The following ATPSCKMT variants were observed in gnomAD, a reference collection of about 807,000 sequenced individuals.
The protein encoded by ATPSCKMT is ATP synthase c subunit lysine N-methyltransferase, also known as ATP synthase subunit C lysine N-methyltransferase.
Under a neutral mutation model 24.3 loss-of-function variants are expected in ATPSCKMT, and 24 were observed. That is an observed-to-expected ratio of 0.99 (90% CI 0.71 to 1.39). ATPSCKMT has a LOEUF of 1.39. Ranked by LOEUF, ATPSCKMT falls within the 40% of genes most tolerant of loss-of-function variation. The pLI, the probability that ATPSCKMT is intolerant of heterozygous loss-of-function variation, is 0.00. For missense variants in ATPSCKMT, 311 were observed against 298.4 expected (o/e 1.04, Z -0.31); for synonymous variants, 95 against 110.5 (o/e 0.86, Z 0.88).
At chr5:10,249,284 AG>A (rs1745163728) in intron 1 of ATPSCKMT, 1 of 144,026 alleles carries the variant, frequency 6.9e-6, no homozygotes, top group Non-Finnish European at 1.5e-5. Context: ...AAAAAAAAAG[AG>A]TGTGGGACCC....
At chr5:10,228,678 C>T (rs1743989679) in intron 4 of ATPSCKMT, among the ~76,000 whole-genome samples, 1 of 151,992 alleles carries the variant, frequency 6.6e-6, no homozygotes, top group Admixed American at 6.6e-5. Context: ...TACCTATACC[C>T]AGGTTCAAAT....
At chr5:10,229,298 G>A (rs1366343528) in intron 4 of ATPSCKMT, among the ~76,000 whole-genome samples, 2 of 152,072 alleles carry the variant, frequency 1.3e-5, no homozygotes, top group African/African-American at 4.8e-5. Flanking sequence ...TTTGGTTTTC[G>A]TGACAATAAC....
At position 10,227,315 on chromosome 5, in the gene ATPSCKMT, G is replaced by A. The variant is rs910024067; in HGVS notation, c.*126C>T. On this transcript the variant is annotated 3_prime_UTR_variant, in exon 5 of 5. Transcript: ENST00000511437. Reference sequence around the variant, plus strand: ...TTCGTTTGTTTTCTCCAACAGTTAAGGAAAGTAATAGTAATTTCTCATTCC... The same window carrying A: ...TTCGTTTGTTTTCTCCAACAGTTAAAGAAAGTAATAGTAATTTCTCATTCC... 2.3e-5 allele frequency: 22 copies of A among 963,956 alleles called. No homozygotes were observed. Among genetic ancestry groups the A allele is most frequent in the Non-Finnish European group, 2.7e-5 (18 of 657,700 alleles). The allele number at this position is 963,956 out of a possible 1,614,324, so 59.7% of individuals were successfully genotyped here.
Position 10,239,329 on chromosome 5 carries a change from T to C in ATPSCKMT, c.44A>G (p.Glu15Gly), listed in dbSNP as rs1277677108. 6.2e-7 allele frequency: 1 copy of C among 1,614,114 alleles called. No homozygotes were observed. The highest frequency in any genetic ancestry group is 2.2e-5 in the East Asian group (1 of 44,884). ...GGIPLETLKE[E>G]SQSRHVLPAS... ...AGGTAGAACATGTCTTGACTGACTT[T>C]CTTCTTTAAGTGTTTCTAGGGGTAT... The change falls in exon 2 of 5, where the codon GAA becomes GGA. Residue 15 changes from glutamate to glycine, a missense_variant. By Grantham distance (98) the Glu-to-Gly change is moderately conservative (BLOSUM62 -2). Coordinates refer to ENST00000511437, the MANE Select transcript of ATPSCKMT (RefSeq NM_199133.4).
chr5:10,237,947 A>G (rs954159291), intron 2 of ATPSCKMT, among the ~76,000 whole-genome samples: 4 of 152,100 alleles, frequency 2.6e-5, no homozygotes, highest in African/African-American at 4.8e-5. Context: ...GGGTTTCACC[A>G]TGTTGGTTAG....
At chr5:10,235,384 C>T in intron 3 of ATPSCKMT, 123 bp from the exon 4 acceptor site, 1 of 736,944 alleles carries the variant, frequency 1.4e-6, no homozygotes, top group Non-Finnish European at 2.4e-6. Context: ...TGATGAACTC[C>T]TAAGAACAGC....
intron 1 of ATPSCKMT, among the ~76,000 whole-genome samples, chr5:10,241,028 TTTA>T (rs1228964811): frequency 6.6e-6 from 1 of 151,508 alleles, no homozygotes; most frequent in Admixed American, 6.6e-5. Context: ...AAAATCACCA[TTTA>T]TTATCATACA....
intron 4 of ATPSCKMT, among the ~76,000 whole-genome samples, chr5:10,233,311 C>T (rs1278658101): frequency 6.6e-6 from 1 of 152,078 alleles, no homozygotes; most frequent in Non-Finnish European, 1.5e-5. Flanking sequence ...AAGTAGGGGC[C>T]TCCACACACA....
At chr5:10,230,269 T>C (rs1385396644) in intron 4 of ATPSCKMT, among the ~76,000 whole-genome samples, 1 of 148,618 alleles carries the variant, frequency 6.7e-6, no homozygotes, top group Non-Finnish European at 1.5e-5. Context: ...CAGTATAGAT[T>C]AAAAAAAAAA....
chr5:10,226,214 A>G lies in ATPSCKMT; in HGVS notation c.*1227T>C, dbSNP rs1336427651. On this transcript the variant is annotated 3_prime_UTR_variant, in exon 5 of 5. Transcript: ENST00000511437. ...AATTCCATGAGGCCAGGGGCTTTGCATGTCTATTTACCGCAGAATCTCAGA... is the reference window on the plus strand; with the variant it reads ...AATTCCATGAGGCCAGGGGCTTTGCGTGTCTATTTACCGCAGAATCTCAGA... The G allele has an allele frequency of 3.3e-5, 5 of 152,218 alleles. No individual in the cohort carries two copies. Among genetic ancestry groups the G allele is most frequent in the Non-Finnish European group, 5.9e-5 (4 of 68,038 alleles). The allele number at this position is 152,218 out of a possible 1,614,324, so 9.4% of individuals were successfully genotyped here.
rs546313055 is a variant in ATPSCKMT at position 10,242,334 on chromosome 5, CAAT to C, written c.17-2981_17-2979del. On this transcript the variant is annotated intron_variant, in intron 1 of 4. Transcript: ENST00000511437. ...TCTAAGTTCTTTGTCATCATTTCAACAATGTTTACAGCATCCTCACCAGTAGTA... is the reference window on the plus strand; with the variant it reads ...TCTAAGTTCTTTGTCATCATTTCAACGTTTACAGCATCCTCACCAGTAGTA... Among the ~76,000 whole-genome samples the C allele has an allele frequency of 3.0e-3, 461 of 152,314 alleles. 1 individual carries two copies. The highest frequency in any genetic ancestry group is 6.0e-3 in the South Asian group (29 of 4,824).
At position 10,225,776 on chromosome 5, in the gene ATPSCKMT, A is replaced by C. The variant is rs1011359640; in HGVS notation, c.*1665T>G. ...ACAGCCAAACCATATCAATGCCTCT[A>C]TAAACCCACCAGGAACACTTCTAGA... On this transcript the variant is annotated 3_prime_UTR_variant, in exon 5 of 5. Coordinates refer to ENST00000511437, the MANE Select transcript of ATPSCKMT (RefSeq NM_199133.4). Among the ~76,000 whole-genome samples, 1 of 152,158 alleles carries C rather than the reference A, an allele frequency of 6.6e-6. No homozygotes were observed. Among genetic ancestry groups the C allele is most frequent in the Non-Finnish European group, 1.5e-5 (1 of 68,026 alleles).
chr5:10,248,971 C>G (rs558747197), intron 1 of ATPSCKMT, among the ~76,000 whole-genome samples: 1 of 152,272 alleles, frequency 6.6e-6, no homozygotes, highest in Admixed American at 6.5e-5. Flanking sequence ...CAGCATAATA[C>G]AGGGCTTAAG....
rs1425894146 is a variant in ATPSCKMT, at chr5:10,227,667, T to C, written c.496-20A>G. On this transcript the variant is annotated intron_variant, in intron 4 of 4. Transcript: ENST00000511437. ...CAGCATCTGTGGAGAGTAACAGCTATTATTTTAGTGAGCAGTGAGTCAGAG... is the reference window on the plus strand; with the variant it reads ...CAGCATCTGTGGAGAGTAACAGCTACTATTTTAGTGAGCAGTGAGTCAGAG... 1 of 1,612,430 alleles carries C rather than the reference T, an allele frequency of 6.2e-7. No individual in the cohort carries two copies. Among genetic ancestry groups the C allele is most frequent in the Admixed American group, 1.7e-5 (1 of 59,844 alleles).
At chr5:10,234,256 A>T (rs1488859481) in intron 4 of ATPSCKMT, among the ~76,000 whole-genome samples, 1 of 152,102 alleles carries the variant, frequency 6.6e-6, no homozygotes, top group African/African-American at 2.4e-5. Context: ...TGAACCAGGG[A>T]GGTAGAAGTT....
intron 1 of ATPSCKMT, among the ~76,000 whole-genome samples, chr5:10,243,806 G>A (rs1744759387): frequency 6.6e-6 from 1 of 152,198 alleles, no homozygotes; most frequent in Non-Finnish European, 1.5e-5. Context: ...CTCCATACCA[G>A]CAATAAAGCT....
chr5:10,245,247 T>C (rs1264704661), intron 1 of ATPSCKMT, among the ~76,000 whole-genome samples: 8 of 151,004 alleles, frequency 5.3e-5, no homozygotes, highest in South Asian at 2.1e-4. Flanking sequence ...AGTGAAACCC[T>C]GTCTCTACTA....
intron 4 of ATPSCKMT, 44 bp from the exon 5 acceptor site, chr5:10,227,691 A>G (rs539567541): frequency 6.1e-5 from 97 of 1,578,772 alleles, no homozygotes; most frequent in East Asian, 1.4e-4. Flanking sequence ...AGTGAGTCAG[A>G]GGAAATGATC....
chr5:10,229,859 G>A (rs1451809010), intron 4 of ATPSCKMT, among the ~76,000 whole-genome samples: 1 of 152,210 alleles, frequency 6.6e-6, no homozygotes, highest in Non-Finnish European at 1.5e-5. Flanking sequence ...GGAGGCTCTT[G>A]CCGCTGGCTT....
Sources: allele counts gnomAD v4.1 joint callset (sites outside exome capture counted in the v4.1 genomes callset), GRCh38; gene constraint gnomAD v4.1.1; transcripts MANE v1.5; gene names NCBI Gene and HGNC (gene_info 2026-07-23, HGNC 2026-07-21).